Variants in DOT1L observed in about 807,000 individuals in gnomAD.
The protein encoded by DOT1L is histone-lysine N-methyltransferase, H3 lysine-79 specific.
In DOT1L, 33 loss-of-function variants were observed where a neutral mutation model predicts 153.3. The ratio of observed to expected loss-of-function variants is 0.22; its 90% CI spans 0.16 to 0.29. The LOEUF is 0.29. Ranked by LOEUF, DOT1L falls within the 10% of genes least tolerant of loss-of-function variation. DOT1L has a pLI of 1.00. For missense variants in DOT1L, 1,847 were observed against 2,119.9 expected, an observed-to-expected ratio of 0.87 and a Z score of 2.53; for synonymous variants, 1,135 against 965.1, an observed-to-expected ratio of 1.18 and a Z score of -3.26.
At position 2,222,463 on chromosome 19, in the gene DOT1L, C is replaced by T. The variant is rs2024157465; in HGVS notation, c.3294C>T (p.Ser1098=). 2 of 1,606,566 alleles carry T rather than the reference C, an allele frequency of 1.2e-6. No homozygotes were observed. Among genetic ancestry groups the T allele is most frequent in the Non-Finnish European group, 8.5e-7 (1 of 1,178,666 alleles). The change falls in exon 24 of 28, where the codon AGC becomes AGT. Residue 1098 remains serine (S), a synonymous_variant. Coordinates refer to ENST00000398665, the MANE Select transcript of DOT1L (RefSeq NM_032482.3). The surrounding 1 kb of genome is among the most constrained non-coding windows in gnomAD (Gnocchi z 6.5). ...AGCGAGCATCTGCGGGGACGCCCAG[C>T]TTGAGCGCAGGCGTGTCCCCCAAGC... ...RRKRASAGTP[S]LSAGVSPKRR...
intron 8 of DOT1L, among the ~76,000 whole-genome samples, chr19:2,201,187 C>G (rs111163792): frequency 0.073 from 4,682 of 63,942 alleles, 46 homozygotes; most frequent in Middle Eastern, 0.11. Context: ...ATTCCTCGTC[C>G]TCCCCTCATT....
rs371914714 is a variant in DOT1L at position 2,207,578 on chromosome 19, C to T, written c.861C>T (p.Ile287=). The change falls in exon 11 of 28, where the codon ATC becomes ATT. Residue 287 remains isoleucine (I), a synonymous_variant. Transcript: ENST00000398665. This position sits in a 1 kb window ranked among gnomAD's most constrained non-coding sequence, Gnocchi z 4.5. ...CCTCACCTGTGGCTCCTGCAGACAT[C>T]GGCACCATCATGCGCGTGGTGGAGC... is the stretch of plus-strand genomic sequence containing the variant. ...FRINSRNLSD[I]GTIMRVVELS... is the part of the protein sequence containing the mutation. 36 of 1,609,222 alleles carry T rather than the reference C, an allele frequency of 2.2e-5. No individual in the cohort carries two copies. In the African/African-American group the frequency reaches 2.3e-4, roughly 10 times the overall value.
Position 2,214,602 on chromosome 19 carries a change from CT to C in DOT1L, c.1923+7del, listed in dbSNP as rs1568360283. 6.2e-7 allele frequency: 1 copy of C among 1,611,650 alleles called. No homozygotes were observed. The highest frequency in any genetic ancestry group is 1.1e-5 in the South Asian group (1 of 90,910). On this transcript the variant is annotated splice_region_variant and intron_variant, in intron 19 of 27. Transcript: ENST00000398665. ...GGCACTGCCTGGAGCTGCAGGTGGGCTGCGCGCGAGGCTGCACTCCGTGGTG... is the reference window on the plus strand; with the variant it reads ...GGCACTGCCTGGAGCTGCAGGTGGGCGCGCGCGAGGCTGCACTCCGTGGTG...
rs1364481030 is a variant in DOT1L at position 2,220,442 on chromosome 19, C to CA, written c.2806+220_2806+221insA. ...AGCCATCTCGGCCTCATACCTGGGTCTCCCGACACTGACACCTCCTGCTTG... is the reference window on the plus strand; with the variant it reads ...AGCCATCTCGGCCTCATACCTGGGTCATCCCGACACTGACACCTCCTGCTTG... On this transcript the variant is annotated intron_variant, in intron 23 of 27. Coordinates refer to ENST00000398665, the MANE Select transcript of DOT1L (RefSeq NM_032482.3). The surrounding 1 kb of genome is among the most constrained non-coding windows in gnomAD (Gnocchi z 4.5). The CA allele has an allele frequency of 7.6e-6, 5 of 658,836 alleles. No individual in the cohort carries two copies. Among genetic ancestry groups the CA allele is most frequent in the African/African-American group, 1.8e-5 (1 of 56,162 alleles). 40.8% of individuals were successfully genotyped at this position (658,836 alleles called of 1,614,324 possible).
chr19:2,228,867 C>T (rs1357853221), intron 27 of DOT1L: 1 of 985,320 alleles, frequency 1.0e-6, no homozygotes, highest in Non-Finnish European at 1.2e-6. Context: ...CTGGATGCCT[C>T]TGGTCGGGGC....
At chr19:2,195,658 C>T (rs1367350168) in intron 7 of DOT1L, among the ~76,000 whole-genome samples, 3 of 152,128 alleles carry the variant, frequency 2.0e-5, no homozygotes, top group African/African-American at 7.2e-5. Flanking sequence ...CCTTATAAGG[C>T]AGAAGGAGTG....
intron 25 of DOT1L, 145 bp from the exon 26 acceptor site, chr19:2,225,243 A>G: frequency 1.4e-6 from 1 of 729,524 alleles, no homozygotes; most frequent in Non-Finnish European, 2.4e-6. Context: ...GGCCTGGCCC[A>G]GGGTGGCTGC....
Position 2,193,109 on chromosome 19 carries a change from C to A in DOT1L, c.494-580C>A, listed in dbSNP as rs2022868319. ...TCCTGACGCTGGCGTATCTGCAGCC[C>A]CTGTTCCCTCCTTCTCCCTTAGAGC... On this transcript the variant is annotated intron_variant, in intron 5 of 27. Transcript: ENST00000398665. This position sits in a 1 kb window ranked among gnomAD's most constrained non-coding sequence, Gnocchi z 5.9. 6.6e-6 allele frequency among the ~76,000 whole-genome samples: 1 copy of A among 152,206 alleles called. No homozygotes were observed. The highest frequency in any genetic ancestry group is 2.1e-4 in the South Asian group (1 of 4,838).
At chr19:2,173,659 CA>C (rs1249228736) in intron 1 of DOT1L, among the ~76,000 whole-genome samples, 1 of 152,232 alleles carries the variant, frequency 6.6e-6, no homozygotes, top group Admixed American at 6.5e-5. Context: ...CCTCTCAGTA[CA>C]GCGGGCACGG....
chr19:2,220,458 C>T lies in DOT1L; in HGVS notation c.2806+236C>T, dbSNP rs1372203008. 10 of 638,960 alleles carry T rather than the reference C, an allele frequency of 1.6e-5. No homozygotes were observed. The highest frequency in any genetic ancestry group is 2.6e-5 in the Non-Finnish European group (9 of 344,254). 39.6% of individuals were successfully genotyped at this position (638,960 alleles called of 1,614,324 possible). On this transcript the variant is annotated intron_variant, in intron 23 of 27. Transcript: ENST00000398665. This position sits in a 1 kb window ranked among gnomAD's most constrained non-coding sequence, Gnocchi z 4.5. Reference sequence around the variant, plus strand: ...TACCTGGGTCTCCCGACACTGACACCTCCTGCTTGGGTGTATTAATTCAGC... The same window carrying T: ...TACCTGGGTCTCCCGACACTGACACTTCCTGCTTGGGTGTATTAATTCAGC...
Position 2,231,562 on chromosome 19 carries a change from C to G in DOT1L, c.*1770C>G, listed in dbSNP as rs1237866489. On this transcript the variant is annotated 3_prime_UTR_variant, in exon 28 of 28. Coordinates refer to ENST00000398665, the MANE Select transcript of DOT1L (RefSeq NM_032482.3). The stretch of plus-strand genomic sequence containing the variant: ...GAGTTCTGAAGATGGTGCTCCGGAC[C>G]TGTCCTCTTAAGTGGTGCCCAGTGC... The G allele has an allele frequency of 4.9e-6, 1 of 204,268 alleles. No homozygotes were observed. Among genetic ancestry groups the G allele is most frequent in the Non-Finnish European group, 1.0e-5 (1 of 99,782 alleles). The allele number at this position is 204,268 out of a possible 1,614,324, so 12.7% of individuals were successfully genotyped here. A position where few individuals can be genotyped will look rare whatever the true frequency, so the allele number is the denominator to read the frequency against.
chr19:2,171,893 T>C (rs1401901946), intron 1 of DOT1L, among the ~76,000 whole-genome samples: 1 of 152,202 alleles, frequency 6.6e-6, no homozygotes, highest in Admixed American at 6.5e-5. Flanking sequence ...CAAGTGGGGC[T>C]TCCTGGAGAA....
intron 10 of DOT1L, 109 bp downstream of exon 10, chr19:2,206,906 C>T (rs1434303232): frequency 9.4e-6 from 11 of 1,164,090 alleles, no homozygotes; most frequent in Middle Eastern, 2.1e-4. Flanking sequence ...GGGCTGGATC[C>T]TTCTGTGGGG....
chr19:2,218,597 G>C (rs752241699), intron 22 of DOT1L, among the ~76,000 whole-genome samples: 2 of 151,956 alleles, frequency 1.3e-5, no homozygotes, highest in African/African-American at 2.4e-5. Context: ...GTTTCACCGT[G>C]TTAGCCAGGA....
Position 2,225,585 on chromosome 19 carries a change from C to T in DOT1L, c.3661+133C>T, listed in dbSNP as rs554495955. On this transcript the variant is annotated intron_variant, in intron 26 of 27. Transcript: ENST00000398665. ...TGCTGGCCCGCTGCGTCGTGTCCTGCGTGGTGCTGGCCTGCTGCGTCGTGT... is the reference window on the plus strand; with the variant it reads ...TGCTGGCCCGCTGCGTCGTGTCCTGTGTGGTGCTGGCCTGCTGCGTCGTGT... The T allele has an allele frequency of 1.6e-4, 163 of 1,018,608 alleles. No individual in the cohort carries two copies. In the South Asian group the frequency reaches 1.9e-3, roughly 12 times the overall value. The allele number at this position is 1,018,608 out of a possible 1,614,324, so 63.1% of individuals were successfully genotyped here.
At chr19:2,227,902 C>T (rs1343667185) in intron 27 of DOT1L, 5 of 1,232,190 alleles carry the variant, frequency 4.1e-6, no homozygotes, top group Non-Finnish European at 5.2e-6. Context: ...GAGACCCGGC[C>T]GCCCCCTCCG....
intron 12 of DOT1L, among the ~76,000 whole-genome samples, chr19:2,209,671 C>A (rs560995022): frequency 1.3e-5 from 2 of 152,388 alleles, no homozygotes; most frequent in Admixed American, 1.3e-4. Flanking sequence ...TCAGACCTGC[C>A]TGCTTATTTG....
chr19:2,199,082 T>A (rs888746849), intron 7 of DOT1L, among the ~76,000 whole-genome samples: 3 of 152,236 alleles, frequency 2.0e-5, no homozygotes, highest in Non-Finnish European at 4.4e-5. Context: ...GAGGTGGTAG[T>A]GTTTTTGAAG....
chr19:2,176,452 A>G (rs2144679703), intron 1 of DOT1L, among the ~76,000 whole-genome samples: 1 of 152,288 alleles, frequency 6.6e-6, no homozygotes, highest in East Asian at 1.9e-4. Flanking sequence ...CGGGGCACTC[A>G]TTTTTAGAAG....
Sources: allele counts gnomAD v4.1 joint callset (sites outside exome capture counted in the v4.1 genomes callset), GRCh38; gene constraint gnomAD v4.1.1; non-coding constraint Gnocchi (gnomAD v3.1); transcripts MANE v1.5; gene names NCBI Gene and HGNC (gene_info 2026-07-23, HGNC 2026-07-21).